The following ATP6V0E2 variants were observed in gnomAD, a reference collection of about 807,000 sequenced individuals.
ATP6V0E2 encodes the protein ATPase H+ transporting V0 subunit e2, also known as V-type proton ATPase subunit e 2.
A neutral mutation model predicts 11.5 loss-of-function variants in ATP6V0E2; 4 were observed. The observed-to-expected ratio is 0.35, with a 90% confidence interval of 0.17 to 0.80. ATP6V0E2 has a LOEUF of 0.80. Among genes scored for constraint, ATP6V0E2 ranks in the 30% least tolerant of loss-of-function variants. ATP6V0E2 has a pLI of 0.53. For missense variants in ATP6V0E2, 93 were observed against 113.5 expected, an observed-to-expected ratio of 0.82 and a Z score of 0.82; for synonymous variants, 52 against 51.0, an observed-to-expected ratio of 1.02 and a Z score of -0.09.
chr7:149,873,898 C>A, upstream of ATP6V0E2: 1 of 1,498,264 alleles, frequency 6.7e-7, no homozygotes, highest in South Asian at 1.3e-5. Flanking sequence ...TGAGTGACAG[C>A]GCGGCGGGCT....
rs754896597 is a variant in ATP6V0E2, at chr7:149,875,666, C to G, written c.152+21C>G. The G allele has an allele frequency of 2.5e-5, 40 of 1,610,864 alleles. No individual in the cohort carries two copies. The highest frequency in any genetic ancestry group is 3.4e-5 in the Non-Finnish European group (40 of 1,178,164). ...CTCTTGTAAGTACTACTCTCCCCAG[C>G]TCAAAGTCAGCCAGTTCCTTTGTCC... On this transcript the variant is annotated intron_variant, in intron 2 of 3. Transcript: ENST00000425642.
intron 2 of ATP6V0E2, among the ~76,000 whole-genome samples, chr7:149,877,004 TA>T (rs1363909893): frequency 4.6e-5 from 7 of 152,240 alleles, no homozygotes; most frequent in Non-Finnish European, 8.8e-5. Context: ...TTTATCTGAT[TA>T]GGTCATGGAT....
At chr7:149,877,222 C>T (rs967845300) in intron 2 of ATP6V0E2, among the ~76,000 whole-genome samples, 15 of 152,158 alleles carry the variant, frequency 9.9e-5, no homozygotes, top group Admixed American at 2.6e-4. Flanking sequence ...CAGGGTCTTA[C>T]TCTGTTGCCC....
At chr7:149,876,307 C>G (rs980889070) in intron 2 of ATP6V0E2, among the ~76,000 whole-genome samples, 1 of 152,098 alleles carries the variant, frequency 6.6e-6, no homozygotes, top group East Asian at 1.9e-4. Flanking sequence ...ACCCGGGAGA[C>G]GGAGGTTGCG....
intron 2 of ATP6V0E2, among the ~76,000 whole-genome samples, 152 bp downstream of exon 2, chr7:149,875,797 A>G (rs1221853190): frequency 6.6e-6 from 1 of 152,156 alleles, no homozygotes; most frequent in Non-Finnish European, 1.5e-5. Context: ...GTGGTGTGGA[A>G]TGGGAAAGAG....
upstream of ATP6V0E2, chr7:149,873,793 C>T (rs1299211180): frequency 1.5e-6 from 2 of 1,346,796 alleles, no homozygotes; most frequent in East Asian, 2.6e-5. Flanking sequence ...TATAACCCAT[C>T]GCCGAAACCG....
At position 149,879,780 on chromosome 7, in the gene ATP6V0E2, C is replaced by T; in HGVS notation, c.*465C>T. 1.2e-6 allele frequency: 1 copy of T among 866,162 alleles called. No individual in the cohort carries two copies. Among genetic ancestry groups the T allele is most frequent in the South Asian group, 3.9e-5 (1 of 25,496 alleles). The allele number at this position is 866,162 out of a possible 1,614,324, so 53.7% of individuals were successfully genotyped here. A position where few individuals can be genotyped will look rare whatever the true frequency, so the allele number is the denominator to read the frequency against. On this transcript the variant is annotated 3_prime_UTR_variant, in exon 4 of 4. Transcript: ENST00000425642. ...ATCCTGCTGGGAACTGGGGGGGCCTCTATTGGGTTATAGGCAAGGCCTTTT... is the reference window on the plus strand; with the variant it reads ...ATCCTGCTGGGAACTGGGGGGGCCTTTATTGGGTTATAGGCAAGGCCTTTT...
At position 149,879,355 on chromosome 7, in the gene ATP6V0E2, C is replaced by A; in HGVS notation, c.*40C>A. On this transcript the variant is annotated 3_prime_UTR_variant, in exon 4 of 4. Transcript: ENST00000425642. ...TTCAGGTGCCCAGCTCTCGGAATGA[C>A]TGTGGCTCCACTGTCCCTGACAACC... 6.4e-7 allele frequency: 1 copy of A among 1,554,172 alleles called. No homozygotes were observed. The highest frequency in any genetic ancestry group is 8.7e-7 in the Non-Finnish European group (1 of 1,147,578).
upstream of ATP6V0E2, chr7:149,873,802 C>T (rs1298582330): frequency 2.9e-6 from 4 of 1,390,086 alleles, no homozygotes; most frequent in East Asian, 2.6e-5. Context: ...TCGCCGAAAC[C>T]GGGCGGCCGC....
In ATP6V0E2 at chr7:149,880,374, C is replaced by T. The variant is rs1414247849; in HGVS notation, c.*1059C>T. ...TTAGCACAGAGCTCACCCACCTTGC[C>T]TGGCTCCCAGCTGGGGCCTGTCCTC... is the stretch of plus-strand genomic sequence containing the variant. On this transcript the variant is annotated 3_prime_UTR_variant, in exon 4 of 4. Coordinates refer to ENST00000425642, the MANE Select transcript of ATP6V0E2 (RefSeq NM_145230.4). 6.6e-6 allele frequency: 1 copy of T among 152,586 alleles called. No individual in the cohort carries two copies. The highest frequency in any genetic ancestry group is 6.5e-5 in the Admixed American group (1 of 15,296). The allele number at this position is 152,586 out of a possible 1,614,324, so 9.5% of individuals were successfully genotyped here. A position where few individuals can be genotyped will look rare whatever the true frequency, so the allele number is the denominator to read the frequency against.
Position 149,873,997 on chromosome 7 carries a change from T to G in ATP6V0E2, c.-69T>G, listed in dbSNP as rs1240541036. 6.5e-7 allele frequency: 1 copy of G among 1,545,668 alleles called. No individual in the cohort carries two copies. The highest frequency in any genetic ancestry group is 8.7e-7 in the Non-Finnish European group (1 of 1,145,680). On this transcript the variant is annotated 5_prime_UTR_variant, in exon 1 of 4. Coordinates refer to ENST00000425642, the MANE Select transcript of ATP6V0E2 (RefSeq NM_145230.4). ...GCGCATGCTCAGCGCGCTGCCCGGC[T>G]GGGGACCCGCGCACCTGCAGCGCCC...
intron 3 of ATP6V0E2, 60 bp downstream of exon 3, chr7:149,878,850 C>A: frequency 4.2e-6 from 1 of 239,860 alleles, no homozygotes; most frequent in Non-Finnish European, 6.5e-6. Context: ...TTTCCCACAC[C>A]CAGGGCAGGC....
rs746308438 is a variant in ATP6V0E2 at position 149,879,850 on chromosome 7, A to G, written c.*535A>G. ...ATTTTCTGACACGTCTAGATGTGAA[A>G]TTTCTGAAAATGTTGAAGCAGAGAA... On this transcript the variant is annotated 3_prime_UTR_variant, in exon 4 of 4. Coordinates refer to ENST00000425642, the MANE Select transcript of ATP6V0E2 (RefSeq NM_145230.4). The G allele has an allele frequency of 8.8e-6, 4 of 452,612 alleles. No homozygotes were observed. The highest frequency in any genetic ancestry group is 2.0e-5 in the African/African-American group (1 of 49,560). The allele number at this position is 452,612 out of a possible 1,614,324, so 28.0% of individuals were successfully genotyped here.
At chr7:149,875,179 C>A in intron 1 of ATP6V0E2, 1 of 221,574 alleles carries the variant, frequency 4.5e-6, no homozygotes, top group Non-Finnish European at 9.0e-6. Flanking sequence ...CACAGTCTGC[C>A]TGCTTCTTGC....
chr7:149,879,773 G>A lies in ATP6V0E2; in HGVS notation c.*458G>A. Reference sequence around the variant, plus strand: ...TGCCACCATCCTGCTGGGAACTGGGGGGGCCTCTATTGGGTTATAGGCAAG... The same window carrying A: ...TGCCACCATCCTGCTGGGAACTGGGAGGGCCTCTATTGGGTTATAGGCAAG... On this transcript the variant is annotated 3_prime_UTR_variant, in exon 4 of 4. Coordinates refer to ENST00000425642, the MANE Select transcript of ATP6V0E2 (RefSeq NM_145230.4). 2 of 976,604 alleles carry A rather than the reference G, an allele frequency of 2.0e-6. No homozygotes were observed. Among genetic ancestry groups the A allele is most frequent in the Non-Finnish European group, 2.7e-6 (2 of 731,034 alleles). The allele number at this position is 976,604 out of a possible 1,614,324, so 60.5% of individuals were successfully genotyped here.
At chr7:149,873,530 A>G (rs903082176), upstream of ATP6V0E2, 4 of 172,638 alleles carry the variant, frequency 2.3e-5, no homozygotes, top group Non-Finnish European at 4.9e-5. Context: ...CCAGAGGGAC[A>G]GCGGGGACCG....
intron 1 of ATP6V0E2, 61 bp downstream of exon 1, chr7:149,874,230 C>G: frequency 6.7e-7 from 1 of 1,487,906 alleles, no homozygotes; most frequent in South Asian, 1.3e-5. Flanking sequence ...CCGGCTCGCC[C>G]CTCCGCCCCG....
At chr7:149,875,936 C>T (rs1163444003) in intron 2 of ATP6V0E2, 5 of 635,564 alleles carry the variant, frequency 7.9e-6, no homozygotes, top group Non-Finnish European at 5.9e-6. Context: ...GCTGTCTGTG[C>T]CTGACTGGGT....
chr7:149,879,759 T>G lies in ATP6V0E2; in HGVS notation c.*444T>G, dbSNP rs1803362808. On this transcript the variant is annotated 3_prime_UTR_variant, in exon 4 of 4. Transcript: ENST00000425642. The stretch of plus-strand genomic sequence containing the variant: ...CCAGTCAGCAGCTCTGCCACCATCC[T>G]GCTGGGAACTGGGGGGGCCTCTATT... 2 of 1,087,450 alleles carry G rather than the reference T, an allele frequency of 1.8e-6. No homozygotes were observed. Among genetic ancestry groups the G allele is most frequent in the Non-Finnish European group, 2.4e-6 (2 of 827,710 alleles). The allele number at this position is 1,087,450 out of a possible 1,614,324, so 67.4% of individuals were successfully genotyped here.
Sources: gnomAD v4.1 joint callset for allele counts (sites outside exome capture counted in the v4.1 genomes callset) on GRCh38, gnomAD v4.1.1 for gene constraint, MANE v1.5 for transcripts, NCBI Gene and HGNC (gene_info 2026-07-23, HGNC 2026-07-21) for gene names.